Variants in SHROOM3 observed in about 807,000 individuals in gnomAD.
SHROOM3 encodes the protein shroom family member 3.
SHROOM3 carries 47 observed loss-of-function variants against 138.6 expected under a neutral mutation model. The observed-to-expected ratio is 0.34, with a 90% CI of 0.27 to 0.43. SHROOM3 has a LOEUF of 0.43. SHROOM3 is among the 20% of genes least tolerant of loss of function. The pLI, the probability that SHROOM3 is intolerant of heterozygous loss-of-function variation, is 1.00. For synonymous variants in SHROOM3, 1,062 were observed against 1,063.3 expected (o/e 1.00, Z 0.02); for missense variants, 2,491 against 2,596.5 (o/e 0.96, Z 0.88).
intron 2 of SHROOM3, among the ~76,000 whole-genome samples, chr4:76,609,594 T>C (rs550386254): frequency 6.6e-6 from 1 of 152,342 alleles, no homozygotes; most frequent in South Asian, 2.1e-4. Flanking sequence ...TCTGACCATG[T>C]TTCTCTTCAG....
chr4:76,710,141 T>C lies in SHROOM3; in HGVS notation c.324-15T>C. The C allele has an allele frequency of 1.9e-6, 3 of 1,613,918 alleles. No individual in the cohort carries two copies. Among genetic ancestry groups the C allele is most frequent in the Non-Finnish European group, 2.5e-6 (3 of 1,179,938 alleles). On this transcript the variant is annotated splice_polypyrimidine_tract_variant and intron_variant, in intron 2 of 10. Transcript: ENST00000296043. ...CACCATCATGCTCAGCTTCTTCTTTTCCTATTGTTGACAGAGATGTGTGCA... is the reference window on the plus strand; with the variant it reads ...CACCATCATGCTCAGCTTCTTCTTTCCCTATTGTTGACAGAGATGTGTGCA...
At chr4:76,567,388 T>A (rs1314464643) in intron 2 of SHROOM3, among the ~76,000 whole-genome samples, 2 of 152,146 alleles carry the variant, frequency 1.3e-5, no homozygotes, top group African/African-American at 4.8e-5. Context: ...CGGTGGCTCA[T>A]GCCTGTAATC....
At chr4:76,692,853 A>G (rs1464926072) in intron 2 of SHROOM3, among the ~76,000 whole-genome samples, 1 of 152,232 alleles carries the variant, frequency 6.6e-6, no homozygotes, top group African/African-American at 2.4e-5. Flanking sequence ...CTGACTAGAA[A>G]GAGATAAGAA....
At chr4:76,471,013 A>G (rs1411337703) in intron 1 of SHROOM3, among the ~76,000 whole-genome samples, 2 of 152,072 alleles carry the variant, frequency 1.3e-5, no homozygotes, top group African/African-American at 4.8e-5. Flanking sequence ...TGTGAGAGAG[A>G]GAGATTGTGA....
At chr4:76,683,187 T>C (rs1015394524) in intron 2 of SHROOM3, among the ~76,000 whole-genome samples, 1 of 150,298 alleles carries the variant, frequency 6.7e-6, no homozygotes, top group Non-Finnish European at 1.5e-5. Context: ...TGCTGAATAG[T>C]TTTTTTTTCA....
intron 8 of SHROOM3, among the ~76,000 whole-genome samples, chr4:76,759,318 T>G (rs1721920027): frequency 6.6e-6 from 1 of 152,240 alleles, no homozygotes; most frequent in Admixed American, 6.5e-5. Context: ...TGACTCCCAC[T>G]GTCATCCCTA....
chr4:76,568,817 G>A (rs1434700477), intron 2 of SHROOM3, among the ~76,000 whole-genome samples: 4 of 152,222 alleles, frequency 2.6e-5, no homozygotes, highest in Admixed American at 6.5e-5. Context: ...GAGCAGTGCT[G>A]TGCAGCGGTT....
intron 9 of SHROOM3, among the ~76,000 whole-genome samples, chr4:76,760,711 G>C (rs1488089787): frequency 6.6e-6 from 1 of 152,178 alleles, no homozygotes; most frequent in Non-Finnish European, 1.5e-5. Flanking sequence ...CAAGCTCCCT[G>C]CTAGCCCAAA....
At chr4:76,522,314 G>A (rs1355349359) in intron 1 of SHROOM3, among the ~76,000 whole-genome samples, 1 of 149,358 alleles carries the variant, frequency 6.7e-6, no homozygotes, top group East Asian at 1.9e-4. Context: ...AAGTACCAGT[G>A]TAGCTTTTTT....
intron 2 of SHROOM3, among the ~76,000 whole-genome samples, chr4:76,669,604 C>CAA (rs553788313): frequency 6.7e-4 from 84 of 124,872 alleles, no homozygotes; most frequent in African/African-American, 2.3e-3. Context: ...AACTCTGTCT[C>CAA]AAAAAAAAAA....
intron 9 of SHROOM3, among the ~76,000 whole-genome samples, chr4:76,762,940 A>G (rs1011894514): frequency 3.3e-5 from 5 of 152,192 alleles, no homozygotes; most frequent in African/African-American, 9.7e-5. Flanking sequence ...TGAAGAATGT[A>G]TCGGTAGGAG....
intron 1 of SHROOM3, among the ~76,000 whole-genome samples, chr4:76,456,121 C>T (rs1731022653): frequency 6.6e-6 from 1 of 152,128 alleles, no homozygotes; most frequent in Non-Finnish European, 1.5e-5. Flanking sequence ...ATTCTCCTGC[C>T]TCAGCCTCCT....
chr4:76,747,756 A>C (rs1396708695), intron 5 of SHROOM3, among the ~76,000 whole-genome samples: 1 of 152,186 alleles, frequency 6.6e-6, no homozygotes, highest in Non-Finnish European at 1.5e-5. Flanking sequence ...CATTCCCTAC[A>C]GTGATATTTG....
At chr4:76,606,496 G>A (rs1734625928) in intron 2 of SHROOM3, among the ~76,000 whole-genome samples, 1 of 151,880 alleles carries the variant, frequency 6.6e-6, no homozygotes, top group Non-Finnish European at 1.5e-5. Context: ...TTGAGGTCAG[G>A]AGTTGGAGAC....
At chr4:76,714,640 T>C (rs1720321104) in intron 3 of SHROOM3, among the ~76,000 whole-genome samples, 1 of 152,240 alleles carries the variant, frequency 6.6e-6, no homozygotes, top group South Asian at 2.1e-4. Flanking sequence ...GGAAATATCC[T>C]GTTTCTCCTC....
At position 76,542,100 on chromosome 4, in the gene SHROOM3, T is replaced by A. The variant is rs185133597; in HGVS notation, c.169-13509T>A. ...CCAACAGCATTTATTGATCCCTGAC[T>A]GTTGGGTATTATGCTAAGCTTTACA... On this transcript the variant is annotated intron_variant, in intron 1 of 10. Coordinates refer to ENST00000296043, the MANE Select transcript of SHROOM3 (RefSeq NM_020859.4). Among the ~76,000 whole-genome samples, 676 of 152,178 alleles carry A rather than the reference T, an allele frequency of 4.4e-3. 7 individuals are homozygous for A. Among genetic ancestry groups the A allele is most frequent in the Non-Finnish European group, 7.1e-3 (484 of 68,022 alleles).
chr4:76,465,765 G>A (rs945969429), intron 1 of SHROOM3, among the ~76,000 whole-genome samples: 4 of 152,124 alleles, frequency 2.6e-5, no homozygotes, highest in Admixed American at 6.6e-5. Flanking sequence ...AAAGCCTGAC[G>A]CTCACTGACT....
At chr4:76,767,972 A>C (rs1722218516) in intron 9 of SHROOM3, among the ~76,000 whole-genome samples, 2 of 152,184 alleles carry the variant, frequency 1.3e-5, no homozygotes, top group African/African-American at 4.8e-5. Flanking sequence ...GAATGAGCTG[A>C]AGGCCTTTTC....
chr4:76,603,838 C>CTTTTTT (rs993165829), intron 2 of SHROOM3, among the ~76,000 whole-genome samples: 17 of 97,258 alleles, frequency 1.7e-4, no homozygotes, highest in Non-Finnish European at 2.8e-4. Context: ...ATCTTGTATT[C>CTTTTTT]TTTTTTTTTT....
Sources: allele counts gnomAD v4.1 joint callset (sites outside exome capture counted in the v4.1 genomes callset), GRCh38; gene constraint gnomAD v4.1.1; transcripts MANE v1.5; gene names NCBI Gene and HGNC (gene_info 2026-07-23, HGNC 2026-07-21).